Variants in DCDC1 observed in about 807,000 individuals in gnomAD.
DCDC1 encodes doublecortin domain-containing protein 1.
A neutral mutation model predicts 178.3 loss-of-function variants in DCDC1; 200 were observed. The observed-to-expected ratio is 1.12, with a 90% CI of 1.00 to 1.26. DCDC1 has a LOEUF of 1.26. DCDC1 is among the 50% of genes most tolerant of loss of function. The pLI is 0.00. For synonymous variants in DCDC1, 690 were observed against 604.8 expected (o/e 1.14, Z -2.07); for missense variants, 1,983 against 1,749.2 (o/e 1.13, Z -2.38).
intron 11 of DCDC1, among the ~76,000 whole-genome samples, chr11:31,119,148 A>C (rs1287305361): frequency 6.6e-6 from 1 of 152,132 alleles, no homozygotes; most frequent in Non-Finnish European, 1.5e-5. Flanking sequence ...ATCACATGAG[A>C]TGTGTAAAGG....
intron 6 of DCDC1, among the ~76,000 whole-genome samples, chr11:31,305,126 G>A (rs1042070110): frequency 5.9e-5 from 9 of 151,996 alleles, no homozygotes; most frequent in African/African-American, 1.7e-4. Flanking sequence ...TATGAAATAC[G>A]TTATTAGGAG....
At chr11:31,227,512 A>G (rs912851191) in intron 9 of DCDC1, among the ~76,000 whole-genome samples, 25 of 152,018 alleles carry the variant, frequency 1.6e-4, no homozygotes, top group Admixed American at 1.6e-3. Context: ...ACTTGGGGGG[A>G]AAAAAATACT....
chr11:30,952,268 A>C (rs1315383511), intron 21 of DCDC1, among the ~76,000 whole-genome samples, 177 bp downstream of exon 21: 1 of 152,222 alleles, frequency 6.6e-6, no homozygotes, highest in Non-Finnish European at 1.5e-5. Context: ...GTTCATCTCC[A>C]TAATGGGAGA....
intron 20 of DCDC1, among the ~76,000 whole-genome samples, chr11:31,035,556 G>T (rs1015839177): frequency 4.6e-5 from 7 of 152,222 alleles, no homozygotes; most frequent in African/African-American, 1.7e-4. Flanking sequence ...CCACAGAGCT[G>T]TGTGTGCCCT....
chr11:31,106,968 G>A lies in DCDC1; in HGVS notation c.1588-8C>T, dbSNP rs769729085. ...ATGAATCTTGAGAAGTAACTGGTTG[G>A]GGGTTAGAGGGGCAGAGGGGATAGA... On this transcript the variant is annotated splice_polypyrimidine_tract_variant and splice_region_variant and intron_variant, in intron 12 of 38. Transcript: ENST00000684477. 11 of 763,278 alleles carry A rather than the reference G, an allele frequency of 1.4e-5. No homozygotes were observed. The highest frequency in any genetic ancestry group is 2.6e-5 in the Non-Finnish European group (11 of 416,968). The allele number at this position is 763,278 out of a possible 1,614,324, so 47.3% of individuals were successfully genotyped here.
At chr11:31,224,860 T>C (rs1044884863) in intron 9 of DCDC1, among the ~76,000 whole-genome samples, 2 of 151,948 alleles carry the variant, frequency 1.3e-5, no homozygotes, top group South Asian at 4.1e-4. Flanking sequence ...CAAAAAATAA[T>C]AGATGTTAGC....
chr11:30,953,052 A>C lies in DCDC1; in HGVS notation c.2592-484T>G, dbSNP rs114477983. 2.8e-3 allele frequency among the ~76,000 whole-genome samples: 424 copies of C among 152,024 alleles called. 1 individual carries two copies. The highest frequency in any genetic ancestry group is 9.0e-3 in the African/African-American group (375 of 41,542). ...GTAATAAATGCAAGTATTTATATAC[A>C]CTGTAACATGCTAATGGAGAACATA... On this transcript the variant is annotated intron_variant, in intron 20 of 38. Transcript: ENST00000684477.
intron 9 of DCDC1, among the ~76,000 whole-genome samples, chr11:31,221,271 A>T (rs1974231899): frequency 6.6e-6 from 1 of 152,204 alleles, no homozygotes; most frequent in Admixed American, 6.5e-5. Context: ...ACCTGAGGCA[A>T]AATTCCTCTC....
chr11:30,887,274 T>C (rs915381910), intron 36 of DCDC1, among the ~76,000 whole-genome samples: 1 of 152,180 alleles, frequency 6.6e-6, no homozygotes. Context: ...CTTTTTTCCT[T>C]TATTTTGGTT....
chr11:31,245,781 CTT>C (rs951369351), intron 8 of DCDC1, among the ~76,000 whole-genome samples: 3 of 151,784 alleles, frequency 2.0e-5, no homozygotes, highest in African/African-American at 7.3e-5. Flanking sequence ...CAAAATAACT[CTT>C]TTAAATAAAA....
rs187425923 is a variant in DCDC1 at position 31,025,561 on chromosome 11, C to T, written c.2591+38908G>A. Among the ~76,000 whole-genome samples the T allele has an allele frequency of 4.2e-3, 640 of 151,728 alleles. 1 individual carries two copies. Among genetic ancestry groups the T allele is most frequent in the African/African-American group, 0.015 (618 of 41,498 alleles). ...TTAGGGGCAAAAGTATAAAATCAAA[C>T]GTTAAACTTTTTTGGTAAACAAAAT... is the stretch of plus-strand genomic sequence containing the variant. On this transcript the variant is annotated intron_variant, in intron 20 of 38. Transcript: ENST00000684477.
At chr11:31,210,667 C>T (rs1437357288) in intron 9 of DCDC1, among the ~76,000 whole-genome samples, 20 of 148,750 alleles carry the variant, frequency 1.3e-4, no homozygotes, top group African/African-American at 4.2e-4. Context: ...GCCAAGATCA[C>T]GCCACTGCAC....
Position 31,094,036 on chromosome 11 carries a change from A to T in DCDC1, c.2118+14T>A. 1.3e-6 allele frequency: 1 copy of T among 763,642 alleles called. No homozygotes were observed. Among genetic ancestry groups the T allele is most frequent in the Non-Finnish European group, 2.4e-6 (1 of 416,436 alleles). The allele number at this position is 763,642 out of a possible 1,614,324, so 47.3% of individuals were successfully genotyped here. A position where few individuals can be genotyped will look rare whatever the true frequency, so the allele number is the denominator to read the frequency against. On this transcript the variant is annotated intron_variant, in intron 16 of 38. Transcript: ENST00000684477. ...AGGGGAGGTCACTCAGCAAAAGCAG[A>T]CACTCTTAGGTACCTTGGTGATCAG...
intron 17 of DCDC1, among the ~76,000 whole-genome samples, chr11:31,080,500 T>C (rs984615153): frequency 6.6e-6 from 1 of 152,232 alleles, no homozygotes; most frequent in African/African-American, 2.4e-5. Flanking sequence ...ACTTAATACA[T>C]ATTGATATAA....
chr11:31,022,645 G>GTA (rs1555013687), intron 20 of DCDC1, among the ~76,000 whole-genome samples: 3 of 110,704 alleles, frequency 2.7e-5, no homozygotes, highest in Non-Finnish European at 5.8e-5. Context: ...CTTTTAGTTT[G>GTA]TGTGTGTGTG....
chr11:31,213,361 A>C (rs978408316), intron 9 of DCDC1, among the ~76,000 whole-genome samples: 5 of 151,782 alleles, frequency 3.3e-5, no homozygotes, highest in African/African-American at 9.7e-5. Context: ...GAGTCTATTT[A>C]TCAATTTGTT....
chr11:31,264,512 T>G (rs1203514242), intron 8 of DCDC1, among the ~76,000 whole-genome samples: 1 of 152,016 alleles, frequency 6.6e-6, no homozygotes, highest in Non-Finnish European at 1.5e-5. Context: ...CCTGCCAAGG[T>G]TTGCATCCCA....
At chr11:30,946,892 C>T (rs563451700) in intron 21 of DCDC1, among the ~76,000 whole-genome samples, 2 of 152,126 alleles carry the variant, frequency 1.3e-5, no homozygotes, top group Admixed American at 6.5e-5. Flanking sequence ...GGGCTCAGGA[C>T]ACATATTCCA....
intron 17 of DCDC1, among the ~76,000 whole-genome samples, chr11:31,082,184 T>C (rs970183654): frequency 3.9e-5 from 6 of 152,200 alleles, no homozygotes; most frequent in Non-Finnish European, 7.4e-5. Context: ...CATAATATCA[T>C]GACATACACT....
Sources: gnomAD v4.1 joint callset for allele counts (sites outside exome capture counted in the v4.1 genomes callset) on GRCh38, gnomAD v4.1.1 for gene constraint, MANE v1.5 for transcripts, NCBI Gene and HGNC (gene_info 2026-07-23, HGNC 2026-07-21) for gene names.